The following CDK13 variants were observed in gnomAD, a reference collection of about 807,000 sequenced individuals.
The protein encoded by CDK13 is cyclin dependent kinase 13.
Under a neutral mutation model 137.6 loss-of-function variants are expected in CDK13, and 40 were observed. The ratio of observed to expected loss-of-function variants is 0.29; its 90% confidence interval spans 0.23 to 0.38. CDK13 has a LOEUF of 0.38. Ranked by LOEUF, CDK13 falls within the 10% of genes least tolerant of loss-of-function variation. The pLI is 1.00. For missense variants in CDK13, 1,704 were observed against 1,951.8 expected (o/e 0.87, Z 2.39); for synonymous variants, 869 against 760.1 (o/e 1.14, Z -2.36).
chr7:40,071,765 A>G (rs916048908), intron 9 of CDK13: 6 of 152,224 alleles, frequency 3.9e-5, no homozygotes, highest in African/African-American at 1.2e-4. Flanking sequence ...GGTGGAGGAT[A>G]TAAGTTTTCT....
chr7:39,965,905 G>A (rs1376531781), intron 1 of CDK13, among the ~76,000 whole-genome samples: 1 of 152,128 alleles, frequency 6.6e-6, no homozygotes, highest in Admixed American at 6.6e-5. Flanking sequence ...ATGAAATTCT[G>A]GGTTGAAAAT....
At chr7:39,970,973 A>G (rs1335801721) in intron 1 of CDK13, among the ~76,000 whole-genome samples, 2 of 152,104 alleles carry the variant, frequency 1.3e-5, no homozygotes, top group East Asian at 1.9e-4. Context: ...TGCTTTTTCT[A>G]TGTCTGATAA....
At chr7:40,002,511 A>C (rs1426231205) in intron 5 of CDK13, among the ~76,000 whole-genome samples, 2 of 152,172 alleles carry the variant, frequency 1.3e-5, no homozygotes, top group Non-Finnish European at 2.9e-5. Context: ...TTAGCAGAGA[A>C]GCTGACAAAA....
chr7:40,056,945 T>C (rs1786032900), intron 7 of CDK13, among the ~76,000 whole-genome samples: 1 of 152,220 alleles, frequency 6.6e-6, no homozygotes. Flanking sequence ...TTTATATATG[T>C]ATTTCTCACT....
rs2116267792 is a variant in CDK13 at position 39,988,056 on chromosome 7, G to C, written c.1669G>C (p.Ala557Pro). 2 of 1,614,082 alleles carry C rather than the reference G, an allele frequency of 1.2e-6. No individual in the cohort carries two copies. The highest frequency in any genetic ancestry group is 1.7e-6 in the Non-Finnish European group (2 of 1,180,008). Residue 557 changes from alanine (A) to proline (P), a missense_variant, in exon 2 of 14, where the codon GCC (alanine) becomes CCC (proline). Around this residue, in one of 5 missense-constraint regions of CDK13, gnomAD observed 1,051 missense variants for 931.0 expected, o/e 1.13. Coordinates refer to ENST00000181839, the MANE Select transcript of CDK13 (RefSeq NM_003718.5). Reference sequence around the variant, plus strand: ...GGAAAATAATTTGATTGTAGATAAAGCCACCAAGAAAGCAGTCATAGTTGG... The same window carrying C: ...GGAAAATAATTTGATTGTAGATAAACCCACCAAGAAAGCAGTCATAGTTGG... The part of the protein sequence containing the change: ...KVENNLIVDK[A>P]TKKAVIVGKE...
At chr7:40,045,600 T>A (rs1040650991) in intron 5 of CDK13, among the ~76,000 whole-genome samples, 8 of 149,660 alleles carry the variant, frequency 5.3e-5, no homozygotes, top group East Asian at 1.9e-4. Context: ...TTTTTTTTTT[T>A]AAAATCATAA....
Position 39,997,550 on chromosome 7 carries a change from G to A in CDK13, c.1928G>A (p.Arg643Gln), listed in dbSNP as rs1273107384. The A allele has an allele frequency of 5.0e-6, 8 of 1,603,916 alleles. No homozygotes were observed. Among genetic ancestry groups the A allele is most frequent in the East Asian group, 2.2e-5 (1 of 44,738 alleles). The change falls in exon 3 of 14, where the codon CGA (arginine) becomes CAA (glutamine). Residue 643 changes from arginine to glutamine, a missense_variant. Around this residue, in one of 5 missense-constraint regions of CDK13, gnomAD observed 1,051 missense variants for 931.0 expected, o/e 1.13. Coordinates refer to ENST00000181839, the MANE Select transcript of CDK13 (RefSeq NM_003718.5). ...AVKKEVEKKL[R>Q]CLLADLPLPP... ...AAAAAAGAAGTAGAAAAGAAACTCC[G>A]ATGTCTTCTTGCTGATTTACCGCTG...
intron 7 of CDK13, among the ~76,000 whole-genome samples, chr7:40,052,050 C>T (rs1785900772): frequency 6.6e-6 from 1 of 152,052 alleles, no homozygotes; most frequent in South Asian, 2.1e-4. Context: ...GTCATTGCTC[C>T]AGTGGTTTTC....
chr7:40,002,004 G>C lies in CDK13; in HGVS notation c.2326G>C (p.Asp776His). The C allele has an allele frequency of 6.2e-7, 1 of 1,607,838 alleles. No individual in the cohort carries two copies. ...NMKEIVTDKE[D>H]ALDFKKDKGA... The stretch of plus-strand genomic sequence containing the variant: ...GAAGGAAATAGTGACTGATAAAGAA[G>C]ATGCTTTGGATTTCAAGAAGGACAA... Residue 776 changes from aspartate to histidine, a missense_variant, in exon 5 of 14, where the codon GAT becomes CAT. By Grantham distance (81) the Asp-to-His change is moderately conservative. Transcript: ENST00000181839.
At chr7:40,071,870 A>G (rs1270453424) in intron 9 of CDK13, 1 of 152,188 alleles carries the variant, frequency 6.6e-6, no homozygotes. Context: ...TTCCTATTTG[A>G]GAAAATGTCT....
At chr7:40,046,129 T>A in intron 6 of CDK13, 104 bp downstream of exon 6, 1 of 751,014 alleles carries the variant, frequency 1.3e-6, no homozygotes, top group Non-Finnish European at 2.1e-6. Context: ...TCGGGGGTGG[T>A]GAGCGTTGAA....
At chr7:40,056,682 T>A (rs988866550) in intron 7 of CDK13, among the ~76,000 whole-genome samples, 1 of 152,234 alleles carries the variant, frequency 6.6e-6, no homozygotes, top group Non-Finnish European at 1.5e-5. Context: ...GCTGTTGCAG[T>A]AAATCTAAAT....
chr7:40,066,519 T>A (rs1431759429), intron 9 of CDK13, among the ~76,000 whole-genome samples: 2 of 152,206 alleles, frequency 1.3e-5, no homozygotes, highest in African/African-American at 2.4e-5. Flanking sequence ...AGTTTTCAAT[T>A]TTTATGCTTT....
intron 1 of CDK13, among the ~76,000 whole-genome samples, chr7:39,969,283 A>G (rs1162542948): frequency 3.3e-5 from 5 of 152,178 alleles, no homozygotes; most frequent in Non-Finnish European, 5.9e-5. Flanking sequence ...AAGTGCTGGG[A>G]TTACAGTTAT....
rs373902471 is a variant in CDK13, at chr7:40,094,742, T to C, written c.4301T>C (p.Ile1434Thr). 6.2e-7 allele frequency: 1 copy of C among 1,613,954 alleles called. No individual in the cohort carries two copies. Among genetic ancestry groups the C allele is most frequent in the Non-Finnish European group, 8.5e-7 (1 of 1,179,962 alleles). The change falls in exon 14 of 14, where the codon ATT (isoleucine) becomes ACT (threonine). Residue 1434 changes from isoleucine to threonine, a missense_variant. This residue lies in a region of CDK13 where 475 missense variants were observed against 579.3 expected (regional missense o/e 0.82). Transcript: ENST00000181839. ...AGATTTGAATATAGCCATGGTCCTA[T>C]TGCAGTCCTGGCAAACAGCAGTGAC... Reference protein sequence around the residue: ...DHRFEYSHGPIAVLANSSDPS... With the variant: ...DHRFEYSHGPTAVLANSSDPS...
In CDK13 at chr7:40,088,274, C is replaced by G; in HGVS notation, c.3178C>G (p.Gln1060Glu). 6.2e-7 allele frequency: 1 copy of G among 1,614,076 alleles called. No homozygotes were observed. Residue 1060 changes from glutamine to glutamate, a missense_variant, in exon 12 of 14, where the codon CAG becomes GAG. By Grantham distance (29) the Gln-to-Glu change is conservative (BLOSUM62 2). Around this residue, in one of 5 missense-constraint regions of CDK13, gnomAD observed 475 missense variants for 579.3 expected, o/e 0.82. Coordinates refer to ENST00000181839, the MANE Select transcript of CDK13 (RefSeq NM_003718.5). ...GLDDSRTNTPQGVLPSSQLKS... is the reference protein window; with the variant it reads ...GLDDSRTNTPEGVLPSSQLKS... ...GGATGACAGCAGAACCAACACACCC[C>G]AGGGTGTGCTGCCATCTTCACAGCT...
chr7:40,063,331 G>GTGCA (rs1446157228), intron 9 of CDK13, among the ~76,000 whole-genome samples: 3 of 152,228 alleles, frequency 2.0e-5, no homozygotes, highest in African/African-American at 4.8e-5. Context: ...ACATGCGTGC[G>GTGCA]TGCATGTGTG....
intron 1 of CDK13, among the ~76,000 whole-genome samples, chr7:39,975,234 C>CA (rs1370178263): frequency 1.3e-5 from 2 of 151,944 alleles, no homozygotes; most frequent in Non-Finnish European, 2.9e-5. Context: ...GGAAACATGG[C>CA]AAAAACTTGT....
chr7:40,010,654 C>A (rs957937876), intron 5 of CDK13, among the ~76,000 whole-genome samples: 1 of 152,152 alleles, frequency 6.6e-6, no homozygotes, highest in South Asian at 2.1e-4. Context: ...TGTACTCCAG[C>A]CTGGGTGACA....
Sources: allele counts gnomAD v4.1 joint callset (sites outside exome capture counted in the v4.1 genomes callset), GRCh38; gene constraint gnomAD v4.1.1; regional missense constraint gnomAD v4.1.1; transcripts MANE v1.5; gene names NCBI Gene and HGNC (gene_info 2026-07-23, HGNC 2026-07-21).